WWOX: variants seen among roughly 807,000 people sequenced by gnomAD.
WWOX encodes WW domain containing oxidoreductase, also known as WW domain-containing oxidoreductase.
WWOX carries 69 observed loss-of-function variants against 46.2 expected under a neutral mutation model. That is an observed-to-expected ratio of 1.49 (90% CI 1.23 to 1.82). The LOEUF (loss-of-function observed/expected upper bound fraction) is 1.82. Among genes scored for constraint, WWOX ranks in the 40% most tolerant of loss-of-function variants. The pLI, the probability that WWOX is intolerant of heterozygous loss-of-function variation, is 0.00. For synonymous variants in WWOX, 359 were observed against 202.6 expected (o/e 1.77, Z -6.56); for missense variants, 919 against 542.6 (o/e 1.69, Z -6.89).
At position 78,511,872 on chromosome 16, in the gene WWOX, T is replaced by C. The variant is rs184487762; in HGVS notation, c.1056+79120T>C. Among the ~76,000 whole-genome samples the C allele has an allele frequency of 2.2e-4, 33 of 152,348 alleles. No individual in the cohort carries two copies. The East Asian group carries it at 5.4e-3, about 25-fold the overall frequency. Reference sequence around the variant, plus strand: ...GAGATGTCTTGATCTGAATATTAAATACAACATGCTGTTTATGACATTATC... The same window carrying C: ...GAGATGTCTTGATCTGAATATTAAACACAACATGCTGTTTATGACATTATC... On this transcript the variant is annotated intron_variant, in intron 8 of 8. Coordinates refer to ENST00000566780, the MANE Select transcript of WWOX (RefSeq NM_016373.4).
intron 5 of WWOX, among the ~76,000 whole-genome samples, chr16:78,234,421 G>C (rs751540929): frequency 6.6e-6 from 1 of 152,026 alleles, no homozygotes; most frequent in Non-Finnish European, 1.5e-5. Flanking sequence ...GTGTAGTGTG[G>C]GCCCCAGACT....
intron 5 of WWOX, among the ~76,000 whole-genome samples, chr16:78,311,559 A>C (rs574225659): frequency 2.6e-4 from 39 of 152,320 alleles, no homozygotes; most frequent in African/African-American, 9.1e-4. Flanking sequence ...ATGCCGTAAC[A>C]GTGAGCAAGC....
At chr16:78,839,004 A>G (rs763521272) in intron 8 of WWOX, among the ~76,000 whole-genome samples, 3 of 152,144 alleles carry the variant, frequency 2.0e-5, no homozygotes, top group Non-Finnish European at 2.9e-5. Flanking sequence ...CTCAATGTCA[A>G]TTTCCTGGTT....
chr16:78,924,124 A>G (rs1173472645), intron 8 of WWOX, among the ~76,000 whole-genome samples: 2 of 152,050 alleles, frequency 1.3e-5, no homozygotes, highest in African/African-American at 2.4e-5. Flanking sequence ...GCTGCTAGGA[A>G]CTATTAATCC....
intron 5 of WWOX, among the ~76,000 whole-genome samples, chr16:78,360,890 G>C (rs1263925595): frequency 6.6e-6 from 1 of 151,798 alleles, no homozygotes; most frequent in Admixed American, 6.6e-5. Flanking sequence ...GTACGATCAT[G>C]GGTTACTGCA....
chr16:78,176,979 C>T (rs537858354), intron 5 of WWOX, among the ~76,000 whole-genome samples: 4 of 152,262 alleles, frequency 2.6e-5, no homozygotes, highest in Admixed American at 2.0e-4. Context: ...GCATCAGTGT[C>T]ACTTGAGAGC....
At chr16:78,453,071 G>C (rs1193332478) in intron 8 of WWOX, among the ~76,000 whole-genome samples, 1 of 150,454 alleles carries the variant, frequency 6.6e-6, no homozygotes, top group African/African-American at 2.5e-5. Flanking sequence ...TTGTGAAGAC[G>C]GGTTTCATCA....
intron 8 of WWOX, among the ~76,000 whole-genome samples, chr16:78,777,534 A>G (rs1252325763): frequency 6.6e-6 from 1 of 152,190 alleles, no homozygotes; most frequent in Non-Finnish European, 1.5e-5. Flanking sequence ...CCCTGGTCCT[A>G]CTGAGTGGTC....
In WWOX at chr16:79,192,048, A is replaced by C. The variant is rs572952444; in HGVS notation, c.1057-19560A>C. 2.0e-5 allele frequency among the ~76,000 whole-genome samples: 3 copies of C among 152,152 alleles called. No homozygotes were observed. In the South Asian group the frequency reaches 6.2e-4, roughly 32 times the overall value. On this transcript the variant is annotated intron_variant, in intron 8 of 8. Coordinates refer to ENST00000566780, the MANE Select transcript of WWOX (RefSeq NM_016373.4). Reference sequence around the variant, plus strand: ...ATCTGGGGCATTCGCGTTAGAGACAATTTTCTTCTCCTCAAGATAAGGGAT... The same window carrying C: ...ATCTGGGGCATTCGCGTTAGAGACACTTTTCTTCTCCTCAAGATAAGGGAT...
In WWOX at chr16:78,365,566, C is replaced by G. The variant is rs74027876; in HGVS notation, c.517-21294C>G. Among the ~76,000 whole-genome samples, 937 of 152,250 alleles carry G rather than the reference C, an allele frequency of 6.2e-3. 14 individuals are homozygous for G. The highest frequency in any genetic ancestry group is 0.02 in the African/African-American group (829 of 41,544). On this transcript the variant is annotated intron_variant, in intron 5 of 8. Coordinates refer to ENST00000566780, the MANE Select transcript of WWOX (RefSeq NM_016373.4). Reference sequence around the variant, plus strand: ...CATATGTGCTGTCCCCAGTAGGATTCTGGAATTCCCTGAATCATAGTGTTG... The same window carrying G: ...CATATGTGCTGTCCCCAGTAGGATTGTGGAATTCCCTGAATCATAGTGTTG...
chr16:78,367,731 C>G (rs1483717287), intron 5 of WWOX, among the ~76,000 whole-genome samples: 1 of 151,906 alleles, frequency 6.6e-6, no homozygotes, highest in East Asian at 1.9e-4. Flanking sequence ...CGGAGAACTA[C>G]CATCCCATTT....
At chr16:78,815,074 C>G (rs143713871) in intron 8 of WWOX, among the ~76,000 whole-genome samples, 252 of 152,320 alleles carry the variant, frequency 1.7e-3, no homozygotes, top group African/African-American at 5.9e-3. Context: ...CCTGTAATCC[C>G]AACACTTCGG....
intron 4 of WWOX, among the ~76,000 whole-genome samples, chr16:78,128,104 A>G (rs2033435596): frequency 6.6e-6 from 1 of 152,184 alleles, no homozygotes; most frequent in Non-Finnish European, 1.5e-5. Context: ...AAAGACTCCT[A>G]AAGGGAAGAT....
chr16:78,743,098 C>T (rs754612096), intron 8 of WWOX, among the ~76,000 whole-genome samples: 2 of 152,042 alleles, frequency 1.3e-5, no homozygotes, highest in African/African-American at 4.8e-5. Context: ...AGGAAACATC[C>T]GTCTCTCTCC....
intron 5 of WWOX, among the ~76,000 whole-genome samples, chr16:78,215,235 A>T (rs2036680831): frequency 6.6e-6 from 1 of 152,178 alleles, no homozygotes; most frequent in Admixed American, 6.5e-5. Flanking sequence ...GTGGTGTTTT[A>T]TGCACAGTGT....
Position 78,657,222 on chromosome 16 carries a change from C to A in WWOX, c.1056+224470C>A, listed in dbSNP as rs139380001. On this transcript the variant is annotated intron_variant, in intron 8 of 8. Coordinates refer to ENST00000566780, the MANE Select transcript of WWOX (RefSeq NM_016373.4). ...TGTCCATTGTCATCATCTCCACCAT[C>A]ACCCCTTTTGTTTTCATTGCCACCC... 4.8e-3 allele frequency among the ~76,000 whole-genome samples: 727 copies of A among 152,276 alleles called. 6 individuals are homozygous for A. The highest frequency in any genetic ancestry group is 7.7e-3 in the Non-Finnish European group (521 of 68,034).
At chr16:78,694,346 TC>T (rs2048054482) in intron 8 of WWOX, among the ~76,000 whole-genome samples, 1 of 152,182 alleles carries the variant, frequency 6.6e-6, no homozygotes, top group African/African-American at 2.4e-5. Flanking sequence ...CTTTACTGCT[TC>T]TGCAAATACT....
chr16:78,849,172 C>G (rs2052375562), intron 8 of WWOX, among the ~76,000 whole-genome samples: 1 of 152,062 alleles, frequency 6.6e-6, no homozygotes, highest in Non-Finnish European at 1.5e-5. Flanking sequence ...CTGTTCTGCC[C>G]AAACATACAA....
intron 8 of WWOX, among the ~76,000 whole-genome samples, chr16:79,192,949 G>A (rs1405125436): frequency 6.6e-6 from 1 of 152,188 alleles, no homozygotes; most frequent in Non-Finnish European, 1.5e-5. Context: ...AATGAAGGAA[G>A]GGCCTCGTTT....
Sources: allele counts gnomAD v4.1 joint callset (sites outside exome capture counted in the v4.1 genomes callset), GRCh38; gene constraint gnomAD v4.1.1; transcripts MANE v1.5; gene names NCBI Gene and HGNC (gene_info 2026-07-23, HGNC 2026-07-21).